PHYKPL: variants seen among roughly 807,000 people sequenced by gnomAD.
The protein encoded by PHYKPL is 5-phosphonooxy-L-lysine phospho-lyase.
A neutral mutation model predicts 51.3 loss-of-function variants in PHYKPL; 42 were observed. The ratio of observed to expected loss-of-function variants is 0.82; its 90% CI spans 0.64 to 1.06. The LOEUF (loss-of-function observed/expected upper bound fraction) is 1.06. Among genes scored for constraint, PHYKPL ranks in the 50% least tolerant of loss-of-function variants. PHYKPL has a pLI of 0.00. For missense variants in PHYKPL, 655 were observed against 586.6 expected (o/e 1.12, Z -1.20); for synonymous variants, 264 against 236.0 (o/e 1.12, Z -1.09).
Position 178,210,636 on chromosome 5 carries a change from A to G in PHYKPL, c.*31+1254T>C, listed in dbSNP as rs764344268. The G allele has an allele frequency of 1.6e-5, 25 of 1,604,966 alleles. No individual in the cohort carries two copies. In the South Asian group the frequency reaches 2.3e-4, roughly 15 times the overall value. ...CAAGCCATACTGAGGCGGCAGCAGG[A>G]GCGACCAACTGATCGCACACATGCT... On this transcript the variant is annotated intron_variant, in intron 12 of 12. Coordinates refer to ENST00000308158, the MANE Select transcript of PHYKPL (RefSeq NM_153373.4).
chr5:178,207,247 T>C (rs1282295043), downstream of PHYKPL: 5 of 1,613,050 alleles, frequency 3.1e-6, no homozygotes, highest in East Asian at 2.2e-5. Flanking sequence ...CCAGCTCTGC[T>C]TGGCCTCCTG....
At chr5:178,232,026 A>C (rs999894841) in intron 1 of PHYKPL, 2 of 1,199,108 alleles carry the variant, frequency 1.7e-6, no homozygotes, top group African/African-American at 3.2e-5. Flanking sequence ...GCCCCCTCAC[A>C]GGTCAAGTGT....
At chr5:178,223,764 C>G (rs1245314975) in intron 6 of PHYKPL, 1 of 319,328 alleles carries the variant, frequency 3.1e-6, no homozygotes, top group Non-Finnish European at 6.2e-6. Context: ...CACCTGTCGC[C>G]AACAGTCTTC....
rs1763387780 is a variant in PHYKPL, at chr5:178,231,466, C to T, written c.117G>A (p.Gly39=). ...CCCCCTGTTCATCGTACATGTACTG[C>T]CCTTGGGCCCGGACAATCTTAACAG... ...EDPVKIVRAQ[G]QYMYDEQGAE... The change falls in exon 2 of 13, where the codon GGG becomes GGA. Residue 39 remains glycine (G), a synonymous_variant. Transcript: ENST00000308158. The T allele has an allele frequency of 1.2e-6, 2 of 1,614,190 alleles. No individual in the cohort carries two copies. The highest frequency in any genetic ancestry group is 1.7e-6 in the Non-Finnish European group (2 of 1,180,040).
chr5:178,228,346 C>G, intron 3 of PHYKPL: 1 of 582,884 alleles, frequency 1.7e-6, no homozygotes, highest in East Asian at 2.8e-5. Flanking sequence ...CAGACCACTT[C>G]CGGAGAGTGG....
chr5:178,209,190 T>G, intron 12 of PHYKPL: 1 of 722,306 alleles, frequency 1.4e-6, no homozygotes, highest in Non-Finnish European at 2.5e-6. Context: ...AGCCCAAAGG[T>G]GGCCTCCCAT....
At chr5:178,209,519 C>A in intron 12 of PHYKPL, 1 of 1,328,578 alleles carries the variant, frequency 7.5e-7, no homozygotes, top group Non-Finnish European at 1.1e-6. Context: ...TGTCTTGGGG[C>A]TCCCTCTGGT....
At chr5:178,215,220 T>C (rs1759518902) in intron 9 of PHYKPL, 56 bp downstream of exon 9, 5 of 1,609,232 alleles carry the variant, frequency 3.1e-6, no homozygotes, top group East Asian at 2.2e-5. Flanking sequence ...GTGAAGAAAA[T>C]GGTACCACAC....
downstream of PHYKPL, among the ~76,000 whole-genome samples, chr5:178,207,524 C>A (rs1218796071): frequency 1.3e-5 from 2 of 152,004 alleles, no homozygotes; most frequent in African/African-American, 4.8e-5. Flanking sequence ...GGTGACAGTT[C>A]TAGATTCTTG....
chr5:178,224,372 G>T, intron 6 of PHYKPL, 76 bp downstream of exon 6: 1 of 1,413,848 alleles, frequency 7.1e-7, no homozygotes, highest in Non-Finnish European at 9.6e-7. Flanking sequence ...TGGGTTCCCA[G>T]CATCTAGCAC....
rs1385484993 is a variant in PHYKPL at position 178,222,519 on chromosome 5, C to T, written c.763G>A (p.Val255Ile). ...TGGAAGGCCCAGAAGTGCTTGCCTACCCGGCCAAAGCCAACCTGGATCTCA... is the reference window on the plus strand; with the variant it reads ...TGGAAGGCCCAGAAGTGCTTGCCTATCCGGCCAAAGCCAACCTGGATCTCA... ...ADEIQVGFGR[V>I]GKHFWAFQLQ... The change falls in exon 8 of 13, where the codon GTA becomes ATA. Residue 255 changes from valine (V) to isoleucine (I), a missense_variant. Physicochemically the swap from Val to Ile is conservative, Grantham distance 29 (BLOSUM62 3). Coordinates refer to ENST00000308158, the MANE Select transcript of PHYKPL (RefSeq NM_153373.4). 1 of 1,614,134 alleles carries T rather than the reference C, an allele frequency of 6.2e-7. No individual in the cohort carries two copies. Among genetic ancestry groups the T allele is most frequent in the African/African-American group, 1.3e-5 (1 of 74,948 alleles).
chr5:178,229,827 G>T, intron 3 of PHYKPL, 113 bp downstream of exon 3: 1 of 1,365,332 alleles, frequency 7.3e-7, no homozygotes. Context: ...GGTGCAGTGG[G>T]GGCTGCCTCT....
At chr5:178,228,584 C>G (rs933066942) in intron 3 of PHYKPL, 2 of 702,482 alleles carry the variant, frequency 2.8e-6, no homozygotes, top group Non-Finnish European at 5.2e-6. Context: ...ACTGCTGTTA[C>G]CCCACCTGTA....
At chr5:178,217,782 C>T (rs906321203) in intron 8 of PHYKPL, among the ~76,000 whole-genome samples, 2 of 148,240 alleles carry the variant, frequency 1.3e-5, no homozygotes, top group East Asian at 2.0e-4. Flanking sequence ...GGCGTGAACC[C>T]GGGAGGCAGA....
At chr5:178,220,721 C>CAA (rs751171063) in intron 8 of PHYKPL, among the ~76,000 whole-genome samples, 10 of 46,666 alleles carry the variant, frequency 2.1e-4, no homozygotes, top group East Asian at 4.9e-4. Context: ...TTCATAATTG[C>CAA]AAAAAAAAAA....
chr5:178,209,276 G>T (rs1757416096), intron 12 of PHYKPL: 1 of 1,401,150 alleles, frequency 7.1e-7, no homozygotes, highest in African/African-American at 1.4e-5. Context: ...TGTTTGGGCA[G>T]TCACTGCCCT....
chr5:178,232,541 C>T lies in PHYKPL; in HGVS notation c.10G>A (p.Asp4Asn). Residue 4 changes from aspartate to asparagine, a missense_variant, in exon 1 of 13, where the codon GAC becomes AAC. Asp to Asn is a conservative substitution (Grantham distance 23). Transcript: ENST00000308158. ...AGCGTGTCGGCCTTCGGGCGCTGGT[C>T]TGCGGCCATGGTGGGTGGCCGTCAG... MAA[D>N]QRPKADTLAL... 3.2e-6 allele frequency: 4 copies of T among 1,265,206 alleles called. No homozygotes were observed. The highest frequency in any genetic ancestry group is 4.0e-6 in the Non-Finnish European group (4 of 1,008,580). 78.4% of individuals were successfully genotyped at this position (1,265,206 alleles called of 1,614,324 possible). A position where few individuals can be genotyped will look rare whatever the true frequency, so the allele number is the denominator to read the frequency against.
intron 8 of PHYKPL, 36 bp from the exon 9 acceptor site, chr5:178,215,466 G>A (rs867497945): frequency 6.3e-7 from 1 of 1,584,430 alleles, no homozygotes; most frequent in Non-Finnish European, 8.6e-7. Flanking sequence ...AGATGCCCTG[G>A]CAGAGTGGGC....
intron 1 of PHYKPL, 145 bp downstream of exon 1, chr5:178,232,345 CGG>C: frequency 7.8e-7 from 1 of 1,274,120 alleles, no homozygotes; most frequent in East Asian, 3.4e-5. Context: ...GAAGCTCCAG[CGG>C]GGCCGGGGCA....
Sources: allele counts gnomAD v4.1 joint callset (sites outside exome capture counted in the v4.1 genomes callset), GRCh38; gene constraint gnomAD v4.1.1; transcripts MANE v1.5; gene names NCBI Gene and HGNC (gene_info 2026-07-23, HGNC 2026-07-21).